The following ABI3BP variants were observed in gnomAD, a reference collection of about 807,000 sequenced individuals.
ABI3BP encodes the protein target of Nesh-SH3.
In ABI3BP, 216 loss-of-function variants were observed where a neutral mutation model predicts 268.6. That is an observed-to-expected ratio of 0.80 (90% CI 0.72 to 0.90). ABI3BP has a LOEUF of 0.90. Among genes scored for constraint, ABI3BP ranks in the 40% least tolerant of loss-of-function variants. The pLI is 0.00. For synonymous variants in ABI3BP, 730 were observed against 730.0 expected, an observed-to-expected ratio of 1.00 and a Z score of 0.00; for missense variants, 2,090 against 2,182.4, an observed-to-expected ratio of 0.96 and a Z score of 0.84.
intron 14 of ABI3BP, among the ~76,000 whole-genome samples, chr3:100,856,183 C>T (rs781724685): frequency 2.0e-5 from 3 of 152,138 alleles, no homozygotes; most frequent in Non-Finnish European, 4.4e-5. Flanking sequence ...TGAGCATGTC[C>T]TTATATGTTT....
At chr3:100,938,292 C>G (rs1584196276) in intron 1 of ABI3BP, among the ~76,000 whole-genome samples, 1 of 137,210 alleles carries the variant, frequency 7.3e-6, no homozygotes, top group African/African-American at 2.6e-5. Context: ...ACCCCTGAAC[C>G]TAAAAGTTAA....
intron 1 of ABI3BP, among the ~76,000 whole-genome samples, chr3:100,956,214 AACACACACACACACACAC>A (rs58723365): frequency 1.3e-4 from 18 of 133,742 alleles, no homozygotes; most frequent in East Asian, 1.1e-3. Context: ...AAAGAAAAAC[AACACACACACACACACAC>A]ACACACACAC....
At chr3:100,894,991 G>C (rs1164406494) in intron 4 of ABI3BP, among the ~76,000 whole-genome samples, 1 of 87,034 alleles carries the variant, frequency 1.1e-5, no homozygotes, top group African/African-American at 4.1e-5. Context: ...CACAAGATGA[G>C]AATGTTAGAA....
chr3:100,835,742 C>T, intron 27 of ABI3BP, 82 bp from the exon 28 acceptor site: 2 of 1,135,208 alleles, frequency 1.8e-6, no homozygotes, highest in Admixed American at 4.6e-5. Flanking sequence ...TCTTCTTAAC[C>T]CTTTAATGTT....
Position 100,850,138 on chromosome 3 carries a change from C to T in ABI3BP, c.1427-19G>A, listed in dbSNP as rs779422323. On this transcript the variant is annotated intron_variant, in intron 16 of 67. Coordinates refer to ENST00000471714, the MANE Select transcript of ABI3BP (RefSeq NM_001375547.2). ...CTTGGAGCTGAAAGCACAAACACCCCAACCCATCAAATAATCCCAGTTAAA... is the reference window on the plus strand; with the variant it reads ...CTTGGAGCTGAAAGCACAAACACCCTAACCCATCAAATAATCCCAGTTAAA... 6.9e-6 allele frequency: 11 copies of T among 1,595,460 alleles called. No homozygotes were observed. Among genetic ancestry groups the T allele is most frequent in the African/African-American group, 1.3e-5 (1 of 74,612 alleles).
chr3:100,753,378 T>C (rs913982425), intron 65 of ABI3BP, among the ~76,000 whole-genome samples: 3 of 152,028 alleles, frequency 2.0e-5, no homozygotes, highest in African/African-American at 7.2e-5. Flanking sequence ...ATTAACCTCC[T>C]GGGCTCAAGT....
chr3:100,814,601 T>G (rs1037369722), intron 44 of ABI3BP, among the ~76,000 whole-genome samples: 1 of 152,148 alleles, frequency 6.6e-6, no homozygotes, highest in African/African-American at 2.4e-5. Context: ...GAAAACTGTA[T>G]CTAAGAAAAC....
chr3:100,756,982 AAG>A (rs10533198), intron 63 of ABI3BP, among the ~76,000 whole-genome samples: 38,457 of 151,916 alleles, frequency 0.25, 5,420 homozygotes, highest in East Asian at 0.5. Context: ...TCATAGGTCT[AAG>A]AGAAATGTCT....
chr3:100,836,515 C>G (rs531392216), intron 27 of ABI3BP, among the ~76,000 whole-genome samples: 24 of 151,998 alleles, frequency 1.6e-4, no homozygotes, highest in Non-Finnish European at 3.2e-4. Context: ...ATCTTCAGAA[C>G]TAAAGGCATA....
chr3:100,793,320 C>T (rs2152110939), intron 54 of ABI3BP, among the ~76,000 whole-genome samples: 1 of 152,074 alleles, frequency 6.6e-6, no homozygotes, highest in South Asian at 2.1e-4. Context: ...ACCTTGAAAT[C>T]ATATATTATA....
At chr3:100,908,125 A>T (rs2054393378) in intron 2 of ABI3BP, among the ~76,000 whole-genome samples, 1 of 152,010 alleles carries the variant, frequency 6.6e-6, no homozygotes, top group Admixed American at 6.6e-5. Context: ...TAAAAAAAAA[A>T]AAAAGAAAAA....
At chr3:100,906,999 C>A (rs760369802) in intron 2 of ABI3BP, among the ~76,000 whole-genome samples, 18 of 152,102 alleles carry the variant, frequency 1.2e-4, no homozygotes, top group Non-Finnish European at 2.2e-4. Context: ...GGTAAGGGGG[C>A]CTGAAAAAGG....
At chr3:100,952,394 T>C (rs1401591845) in intron 1 of ABI3BP, among the ~76,000 whole-genome samples, 2 of 152,192 alleles carry the variant, frequency 1.3e-5, no homozygotes, top group Non-Finnish European at 2.9e-5. Flanking sequence ...TTGTATGCCA[T>C]AAACATATAT....
At chr3:100,981,271 T>G (rs1562273084) in intron 1 of ABI3BP, among the ~76,000 whole-genome samples, 1 of 151,890 alleles carries the variant, frequency 6.6e-6, no homozygotes, top group African/African-American at 2.4e-5. Context: ...GTGCATTGTC[T>G]TCCAAAGGAT....
intron 11 of ABI3BP, chr3:100,864,616 G>T (rs1581050854): frequency 1.9e-6 from 1 of 515,570 alleles, no homozygotes; most frequent in Non-Finnish European, 3.4e-6. Flanking sequence ...ATCCAGATTT[G>T]CCCAGAAGTT....
intron 57 of ABI3BP, among the ~76,000 whole-genome samples, chr3:100,781,398 G>A (rs1240181511): frequency 6.6e-6 from 1 of 152,068 alleles, no homozygotes; most frequent in Non-Finnish European, 1.5e-5. Flanking sequence ...TAAAATCATG[G>A]AGAAAATTAC....
At chr3:100,810,902 G>A (rs74851089) in intron 48 of ABI3BP, among the ~76,000 whole-genome samples, 1,527 of 152,234 alleles carry the variant, frequency 0.01, 30 homozygotes, top group African/African-American at 0.034. Flanking sequence ...AGTATAAATG[G>A]ATCATCGCAC....
At chr3:100,975,296 A>G (rs2085585593) in intron 1 of ABI3BP, among the ~76,000 whole-genome samples, 1 of 152,170 alleles carries the variant, frequency 6.6e-6, no homozygotes, top group Non-Finnish European at 1.5e-5. Flanking sequence ...TTAGTAAACA[A>G]GATAACAAAA....
At chr3:100,803,322 T>TC (rs1413872144) in intron 51 of ABI3BP, among the ~76,000 whole-genome samples, 1 of 145,038 alleles carries the variant, frequency 6.9e-6, no homozygotes, top group African/African-American at 2.4e-5. Flanking sequence ...AAGGCAAGTT[T>TC]TTTTTTTTTT....
Sources: allele counts gnomAD v4.1 joint callset (sites outside exome capture counted in the v4.1 genomes callset), GRCh38; gene constraint gnomAD v4.1.1; transcripts MANE v1.5; gene names NCBI Gene and HGNC (gene_info 2026-07-23, HGNC 2026-07-21).